Variants in CNTN5 observed in about 807,000 individuals in gnomAD.
CNTN5 encodes the protein contactin 5.
Under a neutral mutation model 129.1 loss-of-function variants are expected in CNTN5, and 77 were observed. The observed-to-expected ratio is 0.60, with a 90% CI of 0.50 to 0.72. The LOEUF is 0.72. Ranked by LOEUF, CNTN5 falls within the 30% of genes least tolerant of loss-of-function variation. The pLI is 0.00. For missense variants in CNTN5, 1,478 were observed against 1,328.8 expected, an observed-to-expected ratio of 1.11 and a Z score of -1.75; for synonymous variants, 509 against 465.6, an observed-to-expected ratio of 1.09 and a Z score of -1.20.
chr11:99,373,572 G>A (rs1400272355), intron 2 of CNTN5, among the ~76,000 whole-genome samples: 1 of 151,888 alleles, frequency 6.6e-6, no homozygotes, highest in African/African-American at 2.4e-5. Flanking sequence ...AATTAGCTGG[G>A]CGTGGTGATG....
chr11:100,100,109 G>T (rs746229316), intron 13 of CNTN5, among the ~76,000 whole-genome samples: 7 of 152,090 alleles, frequency 4.6e-5, no homozygotes, highest in Non-Finnish European at 1.0e-4. Flanking sequence ...CATATAATCT[G>T]CTGGGTTTTA....
chr11:99,955,285 G>C (rs1312786306), intron 7 of CNTN5, among the ~76,000 whole-genome samples: 2 of 151,590 alleles, frequency 1.3e-5, no homozygotes, highest in Non-Finnish European at 2.9e-5. Context: ...GAGTCTACTT[G>C]AGCTGTATAA....
intron 3 of CNTN5, among the ~76,000 whole-genome samples, chr11:99,685,305 G>T (rs1248350846): frequency 6.6e-6 from 1 of 151,744 alleles, no homozygotes; most frequent in Non-Finnish European, 1.5e-5. Context: ...AGTAAATAAT[G>T]TGTTTACTAT....
intron 8 of CNTN5, among the ~76,000 whole-genome samples, chr11:99,967,332 G>A (rs1254986356): frequency 6.6e-6 from 1 of 152,150 alleles, no homozygotes; most frequent in East Asian, 1.9e-4. Flanking sequence ...TTATTCTCAT[G>A]CATTCACAAA....
intron 18 of CNTN5, among the ~76,000 whole-genome samples, chr11:100,282,629 G>A (rs1397299186): frequency 6.6e-6 from 1 of 152,354 alleles, no homozygotes; most frequent in East Asian, 1.9e-4. Flanking sequence ...TCTACAATTA[G>A]CATGTGGCAA....
intron 1 of CNTN5, among the ~76,000 whole-genome samples, chr11:99,061,609 A>T (rs187088348): frequency 9.2e-5 from 14 of 152,300 alleles, no homozygotes; most frequent in African/African-American, 3.1e-4. Flanking sequence ...ATCTACAGGC[A>T]AAGCAAAATC....
intron 3 of CNTN5, among the ~76,000 whole-genome samples, chr11:99,631,854 C>T (rs576485051): frequency 1.1e-4 from 17 of 152,020 alleles, no homozygotes; most frequent in South Asian, 8.3e-4. Flanking sequence ...TACTTGTGGT[C>T]TGAAAATAGG....
At chr11:99,033,862 T>C (rs1173427616) in intron 1 of CNTN5, among the ~76,000 whole-genome samples, 2 of 151,506 alleles carry the variant, frequency 1.3e-5, no homozygotes, top group African/African-American at 2.4e-5. Flanking sequence ...TCAAAGGGAA[T>C]GCTTCCAGTT....
intron 1 of CNTN5, among the ~76,000 whole-genome samples, chr11:99,296,092 G>A (rs962683741): frequency 6.6e-6 from 1 of 152,042 alleles, no homozygotes; most frequent in African/African-American, 2.4e-5. Context: ...ATTGTTCATA[G>A]TGGCATAAAC....
chr11:99,255,035 C>G (rs2135804337), intron 1 of CNTN5, among the ~76,000 whole-genome samples: 1 of 151,888 alleles, frequency 6.6e-6, no homozygotes, highest in South Asian at 2.1e-4. Flanking sequence ...AGATACTTAT[C>G]CAACAAGAAC....
intron 21 of CNTN5, among the ~76,000 whole-genome samples, chr11:100,328,103 C>A (rs1258178306): frequency 1.3e-5 from 2 of 152,082 alleles, no homozygotes; most frequent in African/African-American, 4.8e-5. Flanking sequence ...GCAATCCCAA[C>A]ACTTTGGGAG....
At chr11:99,606,732 A>G (rs1035371113) in intron 3 of CNTN5, among the ~76,000 whole-genome samples, 3 of 144,856 alleles carry the variant, frequency 2.1e-5, no homozygotes, top group African/African-American at 7.6e-5. Context: ...ACAGCATGTT[A>G]CTGGTACGAA....
At chr11:99,897,287 G>A (rs900032017) in intron 6 of CNTN5, among the ~76,000 whole-genome samples, 1 of 152,026 alleles carries the variant, frequency 6.6e-6, no homozygotes, top group African/African-American at 2.4e-5. Context: ...CGGATATGAG[G>A]AAACCAGAGA....
At chr11:100,305,228 T>C (rs1381196701) in intron 20 of CNTN5, among the ~76,000 whole-genome samples, 3 of 151,606 alleles carry the variant, frequency 2.0e-5, no homozygotes, top group Admixed American at 6.6e-5. Context: ...CGTTTTACTT[T>C]TCTAATCTGC....
chr11:100,072,823 CA>C (rs1422420893), intron 12 of CNTN5, among the ~76,000 whole-genome samples: 2 of 151,946 alleles, frequency 1.3e-5, no homozygotes, highest in African/African-American at 4.8e-5. Flanking sequence ...TCATTCTAAA[CA>C]ATCAAATGTT....
chr11:99,766,988 T>C (rs1944777961), intron 3 of CNTN5, among the ~76,000 whole-genome samples: 1 of 152,068 alleles, frequency 6.6e-6, no homozygotes, highest in Non-Finnish European at 1.5e-5. Context: ...CCTGACATCC[T>C]TTCTGTGGCT....
chr11:99,537,847 G>T (rs1268043210), intron 2 of CNTN5, among the ~76,000 whole-genome samples: 1 of 152,146 alleles, frequency 6.6e-6, no homozygotes, highest in Non-Finnish European at 1.5e-5. Flanking sequence ...GTAGCCTCAG[G>T]CAACAAGGAG....
At chr11:99,190,601 T>C (rs1396122956) in intron 1 of CNTN5, among the ~76,000 whole-genome samples, 1 of 151,552 alleles carries the variant, frequency 6.6e-6, no homozygotes, top group Non-Finnish European at 1.5e-5. Context: ...TTTTTTTTAG[T>C]GTAGAGGTCT....
chr11:100,250,066 C>A (rs1426684832), intron 16 of CNTN5, among the ~76,000 whole-genome samples: 1 of 152,024 alleles, frequency 6.6e-6, no homozygotes. Context: ...GATTTACCAT[C>A]ATTTAGAAAA....
Sources: allele counts gnomAD v4.1 joint callset (sites outside exome capture counted in the v4.1 genomes callset), GRCh38; gene constraint gnomAD v4.1.1; transcripts MANE v1.5; gene names NCBI Gene and HGNC (gene_info 2026-07-23, HGNC 2026-07-21).